Variants in ZDHHC3 observed in about 807,000 individuals in gnomAD.
ZDHHC3 encodes zDHHC palmitoyltransferase 3, also known as palmitoyltransferase ZDHHC3.
A neutral mutation model predicts 30.6 loss-of-function variants in ZDHHC3; 9 were observed. That is an observed-to-expected ratio of 0.29 (90% CI 0.18 to 0.51). The LOEUF (loss-of-function observed/expected upper bound fraction) is 0.51, where lower values mean the gene tolerates loss of function less well. Among genes scored for constraint, ZDHHC3 ranks in the 20% least tolerant of loss-of-function variants. The pLI is 0.97. For missense variants in ZDHHC3, 246 were observed against 384.2 expected (o/e 0.64, Z 3.01); for synonymous variants, 136 against 140.2 (o/e 0.97, Z 0.21).
At chr3:44,937,049 T>C (rs977494625) in intron 3 of ZDHHC3, among the ~76,000 whole-genome samples, 1 of 152,176 alleles carries the variant, frequency 6.6e-6, no homozygotes, top group African/African-American at 2.4e-5. Flanking sequence ...TAATGAATTC[T>C]AGTCTCCTTT....
At chr3:44,971,596 T>C (rs1705409240) in intron 1 of ZDHHC3, among the ~76,000 whole-genome samples, 1 of 152,214 alleles carries the variant, frequency 6.6e-6, no homozygotes, top group South Asian at 2.1e-4. Context: ...TTTCCATGGC[T>C]ATCAGGGTGT....
chr3:44,922,299 G>A lies in ZDHHC3; in HGVS notation c.*4390C>T, dbSNP rs1018731165. On this transcript the variant is annotated 3_prime_UTR_variant, in exon 7 of 7. Coordinates refer to ENST00000424952, the MANE Select transcript of ZDHHC3 (RefSeq NM_001135179.2). ...TGCCCCTGGCTCTAGACTACTCACC[G>A]GCCGCCGCTCCCATCTGGAGGTCCC... 21 of 985,390 alleles carry A rather than the reference G, an allele frequency of 2.1e-5. No individual in the cohort carries two copies. Among genetic ancestry groups the A allele is most frequent in the East Asian group, 2.3e-4 (2 of 8,806 alleles). The allele number at this position is 985,390 out of a possible 1,614,324, so 61.0% of individuals were successfully genotyped here.
At chr3:44,939,386 C>A (rs1454888962) in intron 3 of ZDHHC3, among the ~76,000 whole-genome samples, 1 of 152,238 alleles carries the variant, frequency 6.6e-6, no homozygotes, top group African/African-American at 2.4e-5. Flanking sequence ...GCAGACAGTG[C>A]AGAGTGAGTA....
chr3:44,956,297 AGACT>A (rs1190425033), intron 2 of ZDHHC3, among the ~76,000 whole-genome samples: 5 of 152,224 alleles, frequency 3.3e-5, no homozygotes, highest in Admixed American at 1.3e-4. Context: ...CATCAGCTCC[AGACT>A]GACTATCTAC....
intron 1 of ZDHHC3, chr3:44,975,631 C>T (rs1705868032): frequency 6.6e-6 from 1 of 152,266 alleles, no homozygotes; most frequent in Admixed American, 6.5e-5. Context: ...CAAGAACTAC[C>T]TAGGGAGGGC....
rs1700536830 is a variant in ZDHHC3 at position 44,920,779 on chromosome 3, A to G, written c.*5910T>C. ...GATAGGCACTCTTGGATTATACTCA[A>G]CCTCCTCACCAACCTCATAAAGTAT... On this transcript the variant is annotated 3_prime_UTR_variant, in exon 7 of 7. Transcript: ENST00000424952. 2 of 985,198 alleles carry G rather than the reference A, an allele frequency of 2.0e-6. No homozygotes were observed. Among genetic ancestry groups the G allele is most frequent in the Non-Finnish European group, 2.4e-6 (2 of 829,934 alleles). 61.0% of individuals were successfully genotyped at this position (985,198 alleles called of 1,614,324 possible).
rs573926488 is a variant in ZDHHC3, at chr3:44,955,507, TAAC to T, written c.306+3621_306+3623del. On this transcript the variant is annotated intron_variant, in intron 2 of 6. Coordinates refer to ENST00000424952, the MANE Select transcript of ZDHHC3 (RefSeq NM_001135179.2). ...TATATATATTTTAAACTAGTAATGA[TAAC>T]AAACCAAAGTGATACACAATGCATA... is the stretch of plus-strand genomic sequence containing the variant. 3.0e-4 allele frequency among the ~76,000 whole-genome samples: 45 copies of T among 149,864 alleles called. 2 individuals are homozygous for T. In the South Asian group the frequency reaches 8.8e-3, roughly 29 times the overall value.
intron 1 of ZDHHC3, among the ~76,000 whole-genome samples, chr3:44,967,236 C>A (rs1345811916): frequency 6.6e-6 from 1 of 152,256 alleles, no homozygotes; most frequent in Non-Finnish European, 1.5e-5. Context: ...CCCATTCATG[C>A]ACACACTCAG....
intron 1 of ZDHHC3, among the ~76,000 whole-genome samples, chr3:44,963,890 T>G (rs538642451): frequency 2.0e-5 from 3 of 152,190 alleles, no homozygotes; most frequent in Non-Finnish European, 2.9e-5. Context: ...CAAAAAGACA[T>G]TCATGGAGCA....
At chr3:44,932,988 A>G in intron 5 of ZDHHC3, 130 bp downstream of exon 5, 3 of 1,614,146 alleles carry the variant, frequency 1.9e-6, no homozygotes, top group Non-Finnish European at 2.5e-6. Flanking sequence ...TTCAGTCCAT[A>G]GGCTTTCAGG....
At chr3:44,933,567 C>T (rs981622613) in intron 4 of ZDHHC3, 1 of 532,912 alleles carries the variant, frequency 1.9e-6, no homozygotes, top group Non-Finnish European at 3.4e-6. Flanking sequence ...ACTAAGTAGA[C>T]TCCACCTACC....
chr3:44,922,235 G>T lies in ZDHHC3; in HGVS notation c.*4454C>A. On this transcript the variant is annotated 3_prime_UTR_variant, in exon 7 of 7. Transcript: ENST00000424952. ...TGAAACCCACACGTAGAAAGCAAAG[G>T]TCAAGACGTGTTCAGGTCATGTATC... The T allele has an allele frequency of 1.0e-6, 1 of 985,436 alleles. No homozygotes were observed. The highest frequency in any genetic ancestry group is 1.2e-6 in the Non-Finnish European group (1 of 829,944). The allele number at this position is 985,436 out of a possible 1,614,324, so 61.0% of individuals were successfully genotyped here.
Position 44,959,059 on chromosome 3 carries a change from T to C in ZDHHC3, c.306+72A>G. 1 of 1,555,324 alleles carries C rather than the reference T, an allele frequency of 6.4e-7. No individual in the cohort carries two copies. Among genetic ancestry groups the C allele is most frequent in the Non-Finnish European group, 8.8e-7 (1 of 1,138,126 alleles). On this transcript the variant is annotated intron_variant, in intron 2 of 6. Transcript: ENST00000424952. The surrounding 1 kb of genome is among the most constrained non-coding windows in gnomAD (Gnocchi z 4.3). The stretch of plus-strand genomic sequence containing the variant: ...AAGTTCCCAAGGTCCAGGGGGAACA[T>C]GCAGGCTGTGGCCATGCCAGAGCCA...
chr3:44,937,992 T>C, intron 3 of ZDHHC3: 2 of 402,018 alleles, frequency 5.0e-6, no homozygotes, highest in Non-Finnish European at 9.9e-6. Flanking sequence ...AAATACCACT[T>C]TTTTTTTTGG....
chr3:44,963,113 T>C (rs1179439865), intron 1 of ZDHHC3, among the ~76,000 whole-genome samples: 3 of 152,232 alleles, frequency 2.0e-5, no homozygotes, highest in Non-Finnish European at 4.4e-5. Flanking sequence ...GTGACCATAT[T>C]CTGCATGGTG....
intron 3 of ZDHHC3, among the ~76,000 whole-genome samples, chr3:44,943,095 T>C (rs1050897370): frequency 6.6e-6 from 1 of 152,144 alleles, no homozygotes; most frequent in Non-Finnish European, 1.5e-5. Flanking sequence ...GCAATCACCA[T>C]TGGCCCCTAC....
In ZDHHC3 at chr3:44,921,270, C is replaced by G. The variant is rs928735892; in HGVS notation, c.*5419G>C. On this transcript the variant is annotated 3_prime_UTR_variant, in exon 7 of 7. Transcript: ENST00000424952. ...GCAGAACAGACTCAGCTGAGCCCCA[C>G]AGAACGAGAACAGGCTGTTCCCTGC... is the stretch of plus-strand genomic sequence containing the variant. 11 of 985,286 alleles carry G rather than the reference C, an allele frequency of 1.1e-5. No homozygotes were observed. The African/African-American group carries it at 1.6e-4, about 14-fold the overall frequency. The allele number at this position is 985,286 out of a possible 1,614,324, so 61.0% of individuals were successfully genotyped here.
chr3:44,920,081 T>A lies in ZDHHC3; in HGVS notation c.*6608A>T. 8.4e-7 allele frequency: 1 copy of A among 1,193,654 alleles called. No individual in the cohort carries two copies. The highest frequency in any genetic ancestry group is 1.5e-5 in the South Asian group (1 of 65,978). The allele number at this position is 1,193,654 out of a possible 1,614,324, so 73.9% of individuals were successfully genotyped here. A position where few individuals can be genotyped will look rare whatever the true frequency, so the allele number is the denominator to read the frequency against. On this transcript the variant is annotated 3_prime_UTR_variant, in exon 7 of 7. Coordinates refer to ENST00000424952, the MANE Select transcript of ZDHHC3 (RefSeq NM_001135179.2). ...TCTAGAGGATTTGTATTTATTTCTG[T>A]AGACTTCTCACACAATCCAAGTTTT... is the stretch of plus-strand genomic sequence containing the variant.
intron 2 of ZDHHC3, among the ~76,000 whole-genome samples, chr3:44,953,417 A>G (rs953076271): frequency 2.6e-5 from 4 of 152,272 alleles, no homozygotes; most frequent in Admixed American, 2.6e-4. Context: ...TGTTTCAATA[A>G]GTATCTAGGA....
Sources: allele counts gnomAD v4.1 joint callset (sites outside exome capture counted in the v4.1 genomes callset), GRCh38; gene constraint gnomAD v4.1.1; non-coding constraint Gnocchi (gnomAD v3.1); transcripts MANE v1.5; gene names NCBI Gene and HGNC (gene_info 2026-07-23, HGNC 2026-07-21).